PCDH19: variants seen among roughly 807,000 people sequenced by gnomAD.
The protein encoded by PCDH19 is protocadherin 19.
Under a neutral mutation model 46.2 loss-of-function variants are expected in PCDH19, and 6 were observed. The ratio of observed to expected loss-of-function variants is 0.13; its 90% CI spans 0.07 to 0.26. The LOEUF (loss-of-function observed/expected upper bound fraction) is 0.26, where lower values mean the gene tolerates loss of function less well. PCDH19 is among the 10% of genes least tolerant of loss of function. The pLI, the probability that PCDH19 is intolerant of heterozygous loss-of-function variation, is 1.00. For synonymous variants in PCDH19, 481 were observed against 415.7 expected (o/e 1.16, Z -1.91); for missense variants, 740 against 972.3 (o/e 0.76, Z 3.18).
In PCDH19 at chrX:100,368,520, T is replaced by C. The variant is rs760020398; in HGVS notation, c.2617-17816A>G. Among the ~76,000 whole-genome samples, 12 of 111,814 alleles carry C rather than the reference T, an allele frequency of 1.1e-4. No homozygotes were observed. In the East Asian group the frequency reaches 3.4e-3, roughly 32 times the overall value. Reference sequence around the variant, plus strand: ...TTTTATGCTTGTTTTCTTCCTCTCCTGATTGCTTGACACTGTGCCTTTTCT... The same window carrying C: ...TTTTATGCTTGTTTTCTTCCTCTCCCGATTGCTTGACACTGTGCCTTTTCT... On this transcript the variant is annotated intron_variant, in intron 3 of 5. Transcript: ENST00000373034.
At position 100,389,557 on chromosome X, in the gene PCDH19, A is replaced by C. The variant is rs1268592894; in HGVS notation, c.2616+12967T>G. Among the ~76,000 whole-genome samples, 3 of 111,455 alleles carry C rather than the reference A, an allele frequency of 2.7e-5. No individual in the cohort carries two copies. The Admixed American group carries it at 2.9e-4, about 11-fold the overall frequency. On this transcript the variant is annotated intron_variant, in intron 3 of 5. Transcript: ENST00000373034. The stretch of plus-strand genomic sequence containing the variant: ...TTAAGTGTTCTCACCATTTTAAAAA[A>C]TGGTAACTATATGAGGTAAAGGCTA...
intron 5 of PCDH19, among the ~76,000 whole-genome samples, chrX:100,333,676 C>T (rs1156665858): frequency 2.7e-5 from 3 of 111,778 alleles, no homozygotes; most frequent in African/African-American, 9.8e-5. Context: ...TTAATGTCAA[C>T]TAATCAAGAA....
intron 4 of PCDH19, among the ~76,000 whole-genome samples, chrX:100,347,929 G>A (rs930498445): frequency 1.2e-4 from 13 of 108,000 alleles, no homozygotes; most frequent in Admixed American, 4.0e-4. Context: ...AGCCAGGCAC[G>A]GTGGCGCATG....
At chrX:100,317,062 C>G (rs761855166) in intron 5 of PCDH19, among the ~76,000 whole-genome samples, 4 of 111,643 alleles carry the variant, frequency 3.6e-5, no homozygotes, top group Non-Finnish European at 7.5e-5. Flanking sequence ...AGTTCTCATC[C>G]CCTACTGATA....
intron 5 of PCDH19, among the ~76,000 whole-genome samples, chrX:100,331,183 T>C (rs1218849124): frequency 8.9e-6 from 1 of 112,127 alleles, no homozygotes; most frequent in Non-Finnish European, 1.9e-5. Flanking sequence ...ACAGCACCCT[T>C]CTGACATTGA....
At chrX:100,336,988 C>T (rs1030380038) in intron 5 of PCDH19, among the ~76,000 whole-genome samples, 1 of 111,005 alleles carries the variant, frequency 9.0e-6, no homozygotes, top group Non-Finnish European at 1.9e-5. Flanking sequence ...CAAGAAGGAG[C>T]CAGACCCCAG....
chrX:100,305,265 A>G (rs1924909994), intron 5 of PCDH19, among the ~76,000 whole-genome samples: 1 of 105,529 alleles, frequency 9.5e-6, no homozygotes, highest in Non-Finnish European at 2.0e-5. Flanking sequence ...TTGGGGTCCT[A>G]TTTTTAGCCT....
chrX:100,363,165 G>A (rs750107401), intron 3 of PCDH19, among the ~76,000 whole-genome samples: 9 of 110,953 alleles, frequency 8.1e-5, no homozygotes, highest in Admixed American at 4.8e-4. Flanking sequence ...TTAGCCAGGC[G>A]TAGTGGCGCA....
chrX:100,407,903 T>C lies in PCDH19; in HGVS notation c.695A>G (p.Asn232Ser), dbSNP rs587784299. ...CTCGCTAAACACCGGGTTGTTGTCA[T>C]TGGAGTCGGTCACCTTGATACTAAG... is the stretch of plus-strand genomic sequence containing the variant. The part of the protein sequence containing the change: ...VGLSIKVTDS[N>S]DNNPVFSEST... Residue 232 changes from asparagine (N) to serine (S), a missense_variant, in exon 1 of 6, where the codon AAT (asparagine) becomes AGT (serine). Physicochemically the swap from Asn to Ser is conservative, Grantham distance 46. Around this residue, in one of 5 missense-constraint regions of PCDH19, gnomAD observed 186 missense variants for 319.9 expected, o/e 0.58. Transcript: ENST00000373034. 1 of 1,210,960 alleles carries C rather than the reference T, an allele frequency of 8.3e-7. No individual in the cohort carries two copies. The highest frequency in any genetic ancestry group is 1.1e-6 in the Non-Finnish European group (1 of 895,416).
intron 3 of PCDH19, among the ~76,000 whole-genome samples, chrX:100,370,695 T>C (rs751129076): frequency 3.6e-5 from 4 of 112,166 alleles, no homozygotes; most frequent in Non-Finnish European, 7.5e-5. Context: ...AGTTCCAGAC[T>C]ATTAGCCCTT....
At chrX:100,395,122 C>A (rs1199564140) in intron 3 of PCDH19, among the ~76,000 whole-genome samples, 1 of 111,135 alleles carries the variant, frequency 9.0e-6, no homozygotes, top group Non-Finnish European at 1.9e-5. Context: ...CTCCTGACCT[C>A]GTGATCCGCC....
At chrX:100,340,263 G>GA (rs1297596386) in intron 5 of PCDH19, among the ~76,000 whole-genome samples, 3 of 111,984 alleles carry the variant, frequency 2.7e-5, no homozygotes, top group African/African-American at 9.7e-5. Context: ...CACTCTCTCA[G>GA]AAAAAACTAG....
intron 3 of PCDH19, among the ~76,000 whole-genome samples, chrX:100,392,730 T>A (rs982060990): frequency 9.8e-5 from 11 of 111,916 alleles, no homozygotes; most frequent in Non-Finnish European, 2.1e-4. Flanking sequence ...AACAAGCCGT[T>A]CACCATTACC....
intron 4 of PCDH19, among the ~76,000 whole-genome samples, chrX:100,344,763 T>C (rs1243350096): frequency 1.0e-5 from 1 of 100,366 alleles, no homozygotes; most frequent in Non-Finnish European, 2.0e-5. Context: ...CTTGGCAATA[T>C]TGACATTTGG....
chrX:100,377,377 T>C (rs1927420447), intron 3 of PCDH19, among the ~76,000 whole-genome samples: 1 of 112,038 alleles, frequency 8.9e-6, no homozygotes, highest in Non-Finnish European at 1.9e-5. Context: ...TACTAAACTG[T>C]TTCTAGGAAA....
rs189760838 is a variant in PCDH19, at chrX:100,377,690, A to C, written c.2616+24834T>G. Reference sequence around the variant, plus strand: ...TCTGCAAGTGTGTAATTAACAACCCAGTGACTGCTGATGAGAAAGAGAATT... The same window carrying C: ...TCTGCAAGTGTGTAATTAACAACCCCGTGACTGCTGATGAGAAAGAGAATT... On this transcript the variant is annotated intron_variant, in intron 3 of 5. Coordinates refer to ENST00000373034, the MANE Select transcript of PCDH19 (RefSeq NM_001184880.2). Among the ~76,000 whole-genome samples the C allele has an allele frequency of 3.6e-5, 4 of 112,097 alleles. No homozygotes were observed. The East Asian group carries it at 1.1e-3, about 32-fold the overall frequency.
chrX:100,304,006 C>G (rs1335537387), intron 5 of PCDH19, among the ~76,000 whole-genome samples: 1 of 112,374 alleles, frequency 8.9e-6, no homozygotes, highest in Non-Finnish European at 1.9e-5. Context: ...CATCTGGATA[C>G]ATGCATTAAA....
intron 5 of PCDH19, among the ~76,000 whole-genome samples, chrX:100,332,690 T>A (rs768424157): frequency 1.4e-4 from 16 of 111,535 alleles, no homozygotes; most frequent in African/African-American, 5.2e-4. Context: ...TAAGAGTTTA[T>A]GGCTCTTAAT....
intron 3 of PCDH19, among the ~76,000 whole-genome samples, chrX:100,363,903 G>A (rs1926994979): frequency 9.5e-6 from 1 of 105,629 alleles, no homozygotes; most frequent in African/African-American, 3.4e-5. Context: ...GAGGGAGAGG[G>A]AGAGAGAAAG....
Sources: allele counts gnomAD v4.1 joint callset (sites outside exome capture counted in the v4.1 genomes callset), GRCh38; gene constraint gnomAD v4.1.1; regional missense constraint gnomAD v4.1.1; transcripts MANE v1.5; gene names NCBI Gene and HGNC (gene_info 2026-07-23, HGNC 2026-07-21).